The following CREM variants were observed in gnomAD, a reference collection of about 807,000 sequenced individuals.
The protein encoded by CREM is cAMP-responsive element modulator.
In CREM, 13 loss-of-function variants were observed where a neutral mutation model predicts 37.3. The observed-to-expected ratio is 0.35, with a 90% CI of 0.23 to 0.55. The LOEUF (loss-of-function observed/expected upper bound fraction) is 0.55, where lower values mean the gene tolerates loss of function less well. Among genes scored for constraint, CREM ranks in the 20% least tolerant of loss-of-function variants. The probability of loss-of-function intolerance (pLI) is 0.88; values close to 1 mark genes in which losing one functional copy is unlikely to be tolerated. For missense variants in CREM, 296 were observed against 362.3 expected (o/e 0.82, Z 1.49); for synonymous variants, 124 against 120.2 (o/e 1.03, Z -0.21).
At chr10:35,162,025 G>A (rs901191829) in intron 3 of CREM, among the ~76,000 whole-genome samples, 5 of 152,134 alleles carry the variant, frequency 3.3e-5, no homozygotes, top group East Asian at 1.9e-4. Context: ...AATCAGCCTC[G>A]GTGTTCATCA....
intron 5 of CREM, 115 bp downstream of exon 5, chr10:35,179,391 A>G (rs2094253099): frequency 3.6e-6 from 4 of 1,125,772 alleles, no homozygotes; most frequent in Non-Finnish European, 5.0e-6. Flanking sequence ...CATCATTAAT[A>G]CCTAAACTGT....
At chr10:35,195,688 A>T (rs567008872) in intron 6 of CREM, among the ~76,000 whole-genome samples, 1 of 151,824 alleles carries the variant, frequency 6.6e-6, no homozygotes, top group African/African-American at 2.4e-5. Flanking sequence ...AATAGGAAAA[A>T]CCCGCGTGTT....
chr10:35,175,363 T>G (rs1197642469), intron 3 of CREM, among the ~76,000 whole-genome samples: 5 of 152,114 alleles, frequency 3.3e-5, no homozygotes, highest in African/African-American at 9.7e-5. Context: ...GGAGAATGGC[T>G]TGAACCTGGG....
Position 35,148,216 on chromosome 10 carries a change from A to G in CREM, c.45-152A>G, listed in dbSNP as rs762041401. ...GCCATAGCATGAGGTCACATGTGGA[A>G]TTTTCCTTTTGTGGCATCATGTAAA... On this transcript the variant is annotated intron_variant, in intron 2 of 7. Transcript: ENST00000685392. 266 of 676,328 alleles carry G rather than the reference A, an allele frequency of 3.9e-4. 2 individuals carry two copies. The highest frequency in any genetic ancestry group is 6.1e-4 in the Non-Finnish European group (248 of 407,338). 41.9% of individuals were successfully genotyped at this position (676,328 alleles called of 1,614,324 possible). A position where few individuals can be genotyped will look rare whatever the true frequency, so the allele number is the denominator to read the frequency against.
chr10:35,162,462 A>G (rs972886903), intron 3 of CREM, among the ~76,000 whole-genome samples: 7 of 152,244 alleles, frequency 4.6e-5, no homozygotes, highest in African/African-American at 1.7e-4. Flanking sequence ...TGCTATTATT[A>G]ATTAGCTAGA....
chr10:35,147,020 T>A (rs1490511853), intron 2 of CREM, among the ~76,000 whole-genome samples: 1 of 149,658 alleles, frequency 6.7e-6, no homozygotes, highest in Non-Finnish European at 1.5e-5. Context: ...CAGCAGGGAG[T>A]AGTTTCTATA....
rs2095662849 is a variant in CREM, at chr10:35,211,397, AACTG to A, written c.900_*3del. 6.2e-7 allele frequency: 1 copy of A among 1,612,848 alleles called. No individual in the cohort carries two copies. Among genetic ancestry groups the A allele is most frequent in the Admixed American group, 1.7e-5 (1 of 59,742 alleles). On this transcript the variant is annotated stop_lost and 3_prime_UTR_variant, in exon 8 of 8. Coordinates refer to ENST00000685392, the MANE Select transcript of CREM (RefSeq NM_183011.2). ...GATCTTTATTGCCATAAAGTAGAGT[AACTG>A]TCTTTGACTTGGACCTTGTTTACTC...
intron 2 of CREM, among the ~76,000 whole-genome samples, chr10:35,145,180 AG>A (rs1360499754): frequency 3.3e-5 from 5 of 150,338 alleles, no homozygotes; most frequent in East Asian, 1.9e-4. Context: ...AAAAAAAAAA[AG>A]GTATTATTCC....
chr10:35,193,981 C>T (rs933335463), intron 6 of CREM, among the ~76,000 whole-genome samples: 1 of 151,152 alleles, frequency 6.6e-6, no homozygotes, highest in Non-Finnish European at 1.5e-5. Flanking sequence ...CCTGTAATCC[C>T]AGCTACTTGG....
At chr10:35,187,108 T>TATATAAA (rs2094630003) in intron 5 of CREM, among the ~76,000 whole-genome samples, 1 of 75,092 alleles carries the variant, frequency 1.3e-5, no homozygotes, top group African/African-American at 5.5e-5. Context: ...ATGATATATA[T>TATATAAA]TATATAAATA....
chr10:35,156,277 C>T (rs1288842932), intron 3 of CREM, among the ~76,000 whole-genome samples: 1 of 151,318 alleles, frequency 6.6e-6, no homozygotes, highest in African/African-American at 2.4e-5. Flanking sequence ...GAAACAGAGT[C>T]TCACTCTGTC....
At position 35,178,884 on chromosome 10, in the gene CREM, T is replaced by C. The variant is rs752622148; in HGVS notation, c.169-5T>C. On this transcript the variant is annotated splice_region_variant and splice_polypyrimidine_tract_variant and intron_variant, in intron 3 of 7. Coordinates refer to ENST00000685392, the MANE Select transcript of CREM (RefSeq NM_183011.2). ...TGATACATTTCAGAAAATCTTGTAT[T>C]ATAGGTAGCAGCAATTGCAGAGACA... 1.2e-6 allele frequency: 2 copies of C among 1,601,862 alleles called. No homozygotes were observed. The highest frequency in any genetic ancestry group is 1.7e-6 in the Non-Finnish European group (2 of 1,173,262).
chr10:35,145,390 C>T (rs1018187940), intron 2 of CREM, among the ~76,000 whole-genome samples: 7 of 152,118 alleles, frequency 4.6e-5, no homozygotes, highest in Non-Finnish European at 1.0e-4. Flanking sequence ...CCTACTCACC[C>T]TTCAATATAC....
intron 3 of CREM, among the ~76,000 whole-genome samples, chr10:35,172,129 C>CTTTGTTTTCT (rs140990102): frequency 6.6e-6 from 1 of 151,898 alleles, no homozygotes; most frequent in African/African-American, 2.4e-5. Flanking sequence ...AATTTTTTTC[C>CTTTGTTTTCT]TTTGTTTTCT....
chr10:35,143,408 G>A (rs1380583357), intron 2 of CREM, among the ~76,000 whole-genome samples: 1 of 152,208 alleles, frequency 6.6e-6, no homozygotes, highest in Non-Finnish European at 1.5e-5. Flanking sequence ...AGTGGTCAAG[G>A]GAGAGGGTAA....
chr10:35,166,890 C>T (rs1405730326), intron 3 of CREM, among the ~76,000 whole-genome samples: 2 of 152,146 alleles, frequency 1.3e-5, no homozygotes, highest in South Asian at 4.2e-4. Flanking sequence ...ACCTGTAATC[C>T]CAGCACTTTG....
In CREM at chr10:35,171,850, T is replaced by G. The variant is rs182148574; in HGVS notation, c.169-7039T>G. Among the ~76,000 whole-genome samples the G allele has an allele frequency of 8.6e-4, 131 of 152,342 alleles. 1 individual carries two copies. The highest frequency in any genetic ancestry group is 5.9e-3 in the Admixed American group (91 of 15,308). On this transcript the variant is annotated intron_variant, in intron 3 of 7. Transcript: ENST00000685392. ...AATTCTAAAAAGAAAATTATTTTGA[T>G]TTGAGAAAATGTAATATCTTCAGAA... is the stretch of plus-strand genomic sequence containing the variant.
intron 1 of CREM, 54 bp from the exon 2 acceptor site, chr10:35,137,728 T>G: frequency 1.4e-6 from 1 of 716,604 alleles, no homozygotes; most frequent in Admixed American, 3.6e-5. Context: ...AATTTGAGAG[T>G]TTTTGAAGTG....
At chr10:35,183,800 C>A (rs1421575860) in intron 5 of CREM, among the ~76,000 whole-genome samples, 1 of 152,196 alleles carries the variant, frequency 6.6e-6, no homozygotes, top group African/African-American at 2.4e-5. Context: ...ATGGGCCGGG[C>A]GTGATGGTTC....
Sources: allele counts gnomAD v4.1 joint callset (sites outside exome capture counted in the v4.1 genomes callset), GRCh38; gene constraint gnomAD v4.1.1; transcripts MANE v1.5; gene names NCBI Gene and HGNC (gene_info 2026-07-23, HGNC 2026-07-21).